NELL1: variants seen among roughly 807,000 people sequenced by gnomAD.
The protein encoded by NELL1 is neural EGFL like 1.
Under a neutral mutation model 107.4 loss-of-function variants are expected in NELL1, and 76 were observed. The observed-to-expected ratio is 0.71, with a 90% CI of 0.59 to 0.86. NELL1 has a LOEUF of 0.86. Among genes scored for constraint, NELL1 ranks in the 40% least tolerant of loss-of-function variants. The pLI, the probability that NELL1 is intolerant of heterozygous loss-of-function variation, is 0.00. For missense variants in NELL1, 1,024 were observed against 1,005.5 expected, an observed-to-expected ratio of 1.02 and a Z score of -0.25; for synonymous variants, 353 against 341.2, an observed-to-expected ratio of 1.03 and a Z score of -0.38.
At chr11:20,947,468 G>C (rs755004783) in intron 11 of NELL1, 33 bp downstream of exon 11, 5 of 1,506,398 alleles carry the variant, frequency 3.3e-6, no homozygotes, top group Middle Eastern at 1.7e-4. Flanking sequence ...CATGCGTGGG[G>C]TGAGGCTGGG....
intron 3 of NELL1, among the ~76,000 whole-genome samples, chr11:20,790,350 C>A (rs1857049208): frequency 6.6e-6 from 1 of 152,258 alleles, no homozygotes. Flanking sequence ...TGTGTCAGCA[C>A]TGCCCTGAGT....
intron 12 of NELL1, among the ~76,000 whole-genome samples, chr11:21,001,557 GTTA>G (rs1852221627): frequency 6.6e-6 from 1 of 151,946 alleles, no homozygotes; most frequent in Non-Finnish European, 1.5e-5. Flanking sequence ...TCCCTGGTGT[GTTA>G]TTTGGGTTCT....
At chr11:20,844,991 T>C (rs1221566959) in intron 3 of NELL1, among the ~76,000 whole-genome samples, 1 of 152,212 alleles carries the variant, frequency 6.6e-6, no homozygotes, top group Non-Finnish European at 1.5e-5. Flanking sequence ...CATTACTGCC[T>C]GGAAATATTG....
intron 2 of NELL1, among the ~76,000 whole-genome samples, chr11:20,703,881 A>G (rs578120039): frequency 3.3e-5 from 5 of 152,140 alleles, no homozygotes; most frequent in African/African-American, 7.2e-5. Flanking sequence ...GTGTGTTATA[A>G]TTTCTATTCT....
intron 16 of NELL1, among the ~76,000 whole-genome samples, chr11:21,553,255 G>T (rs1856633873): frequency 6.6e-6 from 1 of 151,820 alleles, no homozygotes; most frequent in Non-Finnish European, 1.5e-5. Flanking sequence ...TTCCCCATGT[G>T]TATTTGTCAC....
chr11:21,104,625 G>T (rs150893578), intron 12 of NELL1, among the ~76,000 whole-genome samples: 1 of 152,130 alleles, frequency 6.6e-6, no homozygotes, highest in Non-Finnish European at 1.5e-5. Context: ...CCAAAATGTC[G>T]TTTGAATTTT....
At chr11:20,903,772 C>A (rs553317480) in intron 5 of NELL1, among the ~76,000 whole-genome samples, 1 of 152,008 alleles carries the variant, frequency 6.6e-6, no homozygotes, top group African/African-American at 2.4e-5. Flanking sequence ...TGCTGTTTCT[C>A]GACAGAAACA....
At chr11:21,498,945 C>T (rs1855062944) in intron 15 of NELL1, among the ~76,000 whole-genome samples, 1 of 151,974 alleles carries the variant, frequency 6.6e-6, no homozygotes, top group Admixed American at 6.6e-5. Flanking sequence ...ATTTCCAGTG[C>T]ATATTTTCTG....
intron 12 of NELL1, among the ~76,000 whole-genome samples, chr11:21,074,600 T>C (rs1854090193): frequency 6.6e-6 from 1 of 152,146 alleles, no homozygotes; most frequent in Admixed American, 6.6e-5. Context: ...ATTTGTGATG[T>C]TTAAAAAAAT....
intron 13 of NELL1, among the ~76,000 whole-genome samples, chr11:21,146,615 G>A (rs1329775863): frequency 1.3e-5 from 2 of 152,218 alleles, no homozygotes; most frequent in African/African-American, 4.8e-5. Context: ...GGGATACAGT[G>A]CAGGACAGAA....
intron 3 of NELL1, among the ~76,000 whole-genome samples, chr11:20,816,240 C>T (rs1857620835): frequency 6.6e-6 from 1 of 152,094 alleles, no homozygotes; most frequent in African/African-American, 2.4e-5. Flanking sequence ...TTGCTTTGGG[C>T]AATGTGGCCA....
At chr11:21,196,845 C>T (rs1038025253) in intron 13 of NELL1, among the ~76,000 whole-genome samples, 5 of 151,448 alleles carry the variant, frequency 3.3e-5, no homozygotes, top group Admixed American at 3.3e-4. Context: ...CTTCAAATAC[C>T]CATGGTGTTA....
chr11:21,260,168 A>G (rs375314750), intron 14 of NELL1: 2 of 151,890 alleles, frequency 1.3e-5, no homozygotes, highest in African/African-American at 4.8e-5. Flanking sequence ...AGCACTATAA[A>G]CCATGTCTCT....
intron 2 of NELL1, among the ~76,000 whole-genome samples, chr11:20,687,868 C>T (rs951665119): frequency 6.6e-5 from 10 of 152,214 alleles, no homozygotes; most frequent in Non-Finnish European, 1.3e-4. Context: ...TCTGGGATTA[C>T]AGGCATGAGC....
chr11:21,389,276 A>C (rs79295843), intron 15 of NELL1, among the ~76,000 whole-genome samples: 4,887 of 151,900 alleles, frequency 0.032, 264 homozygotes, highest in African/African-American at 0.11. Flanking sequence ...TGGGATGTCC[A>C]TCTATGGCAA....
intron 16 of NELL1, among the ~76,000 whole-genome samples, chr11:21,558,105 G>A (rs1043148595): frequency 1.3e-5 from 2 of 151,856 alleles, no homozygotes; most frequent in Admixed American, 1.3e-4. Context: ...AGACTGCGTA[G>A]GAGTGAAAGT....
intron 2 of NELL1, among the ~76,000 whole-genome samples, chr11:20,690,047 C>G (rs1198603761): frequency 6.6e-6 from 1 of 152,168 alleles, no homozygotes; most frequent in African/African-American, 2.4e-5. Context: ...TGATGATGAG[C>G]ATTTTTTCAT....
chr11:20,799,797 C>G (rs537998616), intron 3 of NELL1, among the ~76,000 whole-genome samples: 4 of 152,272 alleles, frequency 2.6e-5, no homozygotes, highest in South Asian at 4.1e-4. Flanking sequence ...CAGATGGTCC[C>G]ATCACCCATG....
chr11:21,171,933 A>C (rs1228628382), intron 13 of NELL1, among the ~76,000 whole-genome samples: 1 of 151,900 alleles, frequency 6.6e-6, no homozygotes. Flanking sequence ...ATGAAAATAA[A>C]GTATTCTTCT....
Sources: allele counts gnomAD v4.1 joint callset (sites outside exome capture counted in the v4.1 genomes callset), GRCh38; gene constraint gnomAD v4.1.1; transcripts MANE v1.5; gene names NCBI Gene and HGNC (gene_info 2026-07-23, HGNC 2026-07-21).